Variants in SMTNL2 observed in about 807,000 individuals in gnomAD.
The protein encoded by SMTNL2 is smoothelin like 2, also known as smoothelin-like protein 2.
In SMTNL2, 43 loss-of-function variants were observed where a neutral mutation model predicts 44.1. The observed-to-expected ratio is 0.98, with a 90% CI of 0.76 to 1.26. The LOEUF (loss-of-function observed/expected upper bound fraction) is 1.26, where lower values mean the gene tolerates loss of function less well. Ranked by LOEUF, SMTNL2 falls within the 50% of genes most tolerant of loss-of-function variation. The probability of loss-of-function intolerance (pLI) is 0.00; values close to 1 mark genes in which losing one functional copy is unlikely to be tolerated. For missense variants in SMTNL2, 646 were observed against 670.2 expected (o/e 0.96, Z 0.40); for synonymous variants, 317 against 287.6 (o/e 1.10, Z -1.03).
chr17:4,590,609 C>G (rs1010922499), intron 1 of SMTNL2, among the ~76,000 whole-genome samples: 11 of 152,222 alleles, frequency 7.2e-5, no homozygotes, highest in Admixed American at 7.2e-4. Flanking sequence ...TAAACCTGCC[C>G]TGACCCACCA....
intron 7 of SMTNL2, among the ~76,000 whole-genome samples, chr17:4,603,665 T>G (rs1489746764): frequency 6.6e-6 from 1 of 152,066 alleles, no homozygotes; most frequent in Non-Finnish European, 1.5e-5. Flanking sequence ...CCGTCAGTGC[T>G]GATAACCAGA....
Position 4,592,474 on chromosome 17 carries a change from G to C in SMTNL2, c.487+26G>C. On this transcript the variant is annotated intron_variant, in intron 2 of 7. Transcript: ENST00000389313. This position sits in a 1 kb window ranked among gnomAD's most constrained non-coding sequence, Gnocchi z 4.5. ...GTAGGGCTGACGGCAGAGGAGGGGT[G>C]GCTGGGTAGGTTTGGGGGTTAAGTA... The C allele has an allele frequency of 6.2e-7, 1 of 1,602,818 alleles. No homozygotes were observed. The highest frequency in any genetic ancestry group is 8.5e-7 in the Non-Finnish European group (1 of 1,174,538).
intron 7 of SMTNL2, among the ~76,000 whole-genome samples, chr17:4,605,748 C>T (rs908379774): frequency 2.0e-5 from 3 of 152,160 alleles, no homozygotes; most frequent in African/African-American, 4.8e-5. Flanking sequence ...CACTGACAAT[C>T]GGGCCAAGTG....
intron 7 of SMTNL2, among the ~76,000 whole-genome samples, chr17:4,597,903 G>A (rs908571928): frequency 6.6e-6 from 1 of 152,206 alleles, no homozygotes; most frequent in Non-Finnish European, 1.5e-5. Context: ...AAGCCAGTTC[G>A]GGATTTGGTT....
At chr17:4,594,314 T>A (rs1909710327) in intron 4 of SMTNL2, among the ~76,000 whole-genome samples, 1 of 151,932 alleles carries the variant, frequency 6.6e-6, no homozygotes, top group South Asian at 2.1e-4. Context: ...CTGGGCATGG[T>A]GGTGGGTGCC....
intron 7 of SMTNL2, among the ~76,000 whole-genome samples, chr17:4,599,840 G>C (rs1034452965): frequency 1.3e-5 from 2 of 152,200 alleles, no homozygotes; most frequent in Non-Finnish European, 2.9e-5. Flanking sequence ...GGGAGGCAGC[G>C]GCGGAGGCTG....
rs371435041 is a variant in SMTNL2, at chr17:4,596,917, C to T, written c.1047C>T (p.Ser349=). 73 of 1,524,934 alleles carry T rather than the reference C, an allele frequency of 4.8e-5. 1 individual carries two copies. The East Asian group carries it at 9.7e-4, about 20-fold the overall frequency. The allele number at this position is 1,524,934 out of a possible 1,614,324, so 94.5% of individuals were successfully genotyped here. The change falls in exon 6 of 8, where the codon AGC becomes AGT. Residue 349 remains serine (S), a synonymous_variant. Coordinates refer to ENST00000389313, the MANE Select transcript of SMTNL2 (RefSeq NM_001114974.2). Reference sequence around the variant, plus strand: ...GGTCGCAGAGCTTCGGCGTGGCCAGCGCCAGCAGCATCAAGCAGATCCTGC... The same window carrying T: ...GGTCGCAGAGCTTCGGCGTGGCCAGTGCCAGCAGCATCAAGCAGATCCTGC... ...LKRSQSFGVA[S]ASSIKQILLE...
intron 5 of SMTNL2, among the ~76,000 whole-genome samples, chr17:4,596,610 C>A (rs1237208273): frequency 2.6e-5 from 4 of 152,178 alleles, no homozygotes; most frequent in Non-Finnish European, 5.9e-5. Context: ...AACAGGGGAC[C>A]TGGAGGGCTG....
In SMTNL2 at chr17:4,592,976, G is replaced by GATCCCC. The variant is rs754658371; in HGVS notation, c.536_541dup (p.Pro180_Pro181insHisPro). The GATCCCC allele has an allele frequency of 1.9e-6, 3 of 1,613,986 alleles. No homozygotes were observed. In the Admixed American group the frequency reaches 5.0e-5, roughly 27 times the overall value. On this transcript the variant is annotated inframe_insertion, in exon 3 of 8. Transcript: ENST00000389313. The surrounding 1 kb of genome is among the most constrained non-coding windows in gnomAD (Gnocchi z 4.5). Reference sequence around the variant, plus strand: ...GATTGCCCAAAACTTCTCAGCACCAGATCCCCCCAGGCCTCGTCCTGTGAG... The same window carrying GATCCCC: ...GATTGCCCAAAACTTCTCAGCACCAGATCCCCATCCCCCCAGGCCTCGTCCTGTGAG...
At position 4,584,614 on chromosome 17, in the gene SMTNL2, G is replaced by C; in HGVS notation, c.9G>C (p.Pro3=). ...GCGCGCTCTGCTGGGCCATGGAGCC[G>C]GCCCCCGACGCCCAGGAGGCGCGCA... ME[P]APDAQEARTV... The change falls in exon 1 of 8, where the codon CCG becomes CCC. Residue 3 remains proline (P), a synonymous_variant. Transcript: ENST00000389313. 1.6e-6 allele frequency: 2 copies of C among 1,242,288 alleles called. No homozygotes were observed. Among genetic ancestry groups the C allele is most frequent in the Non-Finnish European group, 2.0e-6 (2 of 993,946 alleles). 77.0% of individuals were successfully genotyped at this position (1,242,288 alleles called of 1,614,324 possible).
intron 7 of SMTNL2, among the ~76,000 whole-genome samples, chr17:4,602,426 G>A (rs1910086130): frequency 1.4e-5 from 2 of 143,426 alleles, no homozygotes; most frequent in East Asian, 4.2e-4. Context: ...GGATTCAAGC[G>A]ATTCTCCTGC....
Position 4,592,552 on chromosome 17 carries a change from G to A in SMTNL2, c.487+104G>A. The A allele has an allele frequency of 9.3e-7, 1 of 1,075,392 alleles. No homozygotes were observed. Among genetic ancestry groups the A allele is most frequent in the Non-Finnish European group, 1.3e-6 (1 of 748,334 alleles). The allele number at this position is 1,075,392 out of a possible 1,614,324, so 66.6% of individuals were successfully genotyped here. A position where few individuals can be genotyped will look rare whatever the true frequency, so the allele number is the denominator to read the frequency against. On this transcript the variant is annotated intron_variant, in intron 2 of 7. Transcript: ENST00000389313. The surrounding 1 kb of genome is among the most constrained non-coding windows in gnomAD (Gnocchi z 4.5). ...CTGGCCCTTGGCCTGGCATCGGGGG[G>A]ACTCTATCCTGAACCCCAGCAGGGA... is the stretch of plus-strand genomic sequence containing the variant.
At chr17:4,605,807 C>T (rs1201245280) in intron 7 of SMTNL2, among the ~76,000 whole-genome samples, 1 of 151,122 alleles carries the variant, frequency 6.6e-6, no homozygotes, top group Non-Finnish European at 1.5e-5. Flanking sequence ...AGGCCGGCTC[C>T]ATCTGGTGCC....
At chr17:4,590,602 AC>A (rs1247589577) in intron 1 of SMTNL2, among the ~76,000 whole-genome samples, 14 of 151,886 alleles carry the variant, frequency 9.2e-5, no homozygotes, top group African/African-American at 2.9e-4. Context: ...TAGCCCCTAA[AC>A]CTGCCCTGAC....
intron 4 of SMTNL2, among the ~76,000 whole-genome samples, 186 bp downstream of exon 4, chr17:4,594,083 C>T (rs909407904): frequency 1.2e-4 from 18 of 151,946 alleles, no homozygotes; most frequent in Admixed American, 3.3e-4. Flanking sequence ...CAGTGGGCCT[C>T]GGTGGAGAGT....
Position 4,600,011 on chromosome 17 carries a change from C to T in SMTNL2, c.1259+2688C>T, listed in dbSNP as rs144022169. On this transcript the variant is annotated intron_variant, in intron 7 of 7. Coordinates refer to ENST00000389313, the MANE Select transcript of SMTNL2 (RefSeq NM_001114974.2). This position sits in a 1 kb window ranked among gnomAD's most constrained non-coding sequence, Gnocchi z 4.7. Reference sequence around the variant, plus strand: ...TCTTGCTTTTCTGCTGACTCGAGGGCGTGGGGAGGGGCGTCCACCGCAGGC... The same window carrying T: ...TCTTGCTTTTCTGCTGACTCGAGGGTGTGGGGAGGGGCGTCCACCGCAGGC... 0.021 allele frequency among the ~76,000 whole-genome samples: 3,124 copies of T among 152,002 alleles called. 103 individuals are homozygous for T. Among genetic ancestry groups the T allele is most frequent in the Admixed American group, 0.091 (1,381 of 15,256 alleles).
intron 7 of SMTNL2, among the ~76,000 whole-genome samples, chr17:4,597,681 A>G (rs887354365): frequency 4.6e-5 from 7 of 152,216 alleles, no homozygotes; most frequent in Non-Finnish European, 8.8e-5. Flanking sequence ...CTCTGGACTG[A>G]TGGAGAGATG....
intron 7 of SMTNL2, among the ~76,000 whole-genome samples, chr17:4,606,923 A>G (rs1231707052): frequency 6.6e-6 from 1 of 151,846 alleles, no homozygotes; most frequent in Non-Finnish European, 1.5e-5. Flanking sequence ...AAACAAAACA[A>G]AAAAACAAAC....
At position 4,595,276 on chromosome 17, in the gene SMTNL2, A is replaced by G. The variant is rs1183897955; in HGVS notation, c.938A>G (p.Gln313Arg). 1 of 1,613,244 alleles carries G rather than the reference A, an allele frequency of 6.2e-7. No individual in the cohort carries two copies. Among genetic ancestry groups the G allele is most frequent in the East Asian group, 2.2e-5 (1 of 44,866 alleles). The change falls in exon 5 of 8, where the codon CAG becomes CGG. Residue 313 changes from glutamine (Q) to arginine (R), a missense_variant. By Grantham distance (43) the Gln-to-Arg change is conservative (BLOSUM62 1). Transcript: ENST00000389313. This position sits in a 1 kb window ranked among gnomAD's most constrained non-coding sequence, Gnocchi z 5.1. ...ACGCTGCCCCGCACCTCGGAGGCGC[A>G]GGCCCGGAAAGCATTGTTTGAGAAG... ...SQTLPRTSEA[Q>R]ARKALFEKWE...
Sources: gnomAD v4.1 joint callset for allele counts (sites outside exome capture counted in the v4.1 genomes callset) on GRCh38, gnomAD v4.1.1 for gene constraint, Gnocchi (gnomAD v3.1) non-coding constraint, MANE v1.5 for transcripts, NCBI Gene and HGNC (gene_info 2026-07-23, HGNC 2026-07-21) for gene names.